Variants in KMT2C observed in about 807,000 individuals in gnomAD.
KMT2C encodes histone-lysine N-methyltransferase 2C.
Under a neutral mutation model 507.9 loss-of-function variants are expected in KMT2C, and 88 were observed. The ratio of observed to expected loss-of-function variants is 0.17; its 90% CI spans 0.15 to 0.21. The LOEUF (loss-of-function observed/expected upper bound fraction) is 0.21. Among genes scored for constraint, KMT2C ranks in the 10% least tolerant of loss-of-function variants. KMT2C has a pLI of 1.00. For synonymous variants in KMT2C, 2,049 were observed against 2,080.8 expected, an observed-to-expected ratio of 0.98 and a Z score of 0.42; for missense variants, 4,954 against 5,957.8, an observed-to-expected ratio of 0.83 and a Z score of 5.55.
Position 152,144,687 on chromosome 7 carries a change from T to A in KMT2C, c.14343+26A>T. 1 of 1,603,280 alleles carries A rather than the reference T, an allele frequency of 6.2e-7. No individual in the cohort carries two copies. The stretch of plus-strand genomic sequence containing the variant: ...GCTAGACTCCACCCTGTCTCTCCAC[T>A]TCCTGTACACAAAGTATTTCTTCAC... On this transcript the variant is annotated intron_variant, in intron 55 of 58. Coordinates refer to ENST00000262189, the MANE Select transcript of KMT2C (RefSeq NM_170606.3). The surrounding 1 kb of genome is among the most constrained non-coding windows in gnomAD (Gnocchi z 4.4).
chr7:152,219,672 C>T (rs1274598506), intron 23 of KMT2C, among the ~76,000 whole-genome samples: 10 of 151,902 alleles, frequency 6.6e-5, no homozygotes, highest in South Asian at 4.2e-4. Flanking sequence ...AAATAACCGC[C>T]CCAAAAATGA....
intron 14 of KMT2C, among the ~76,000 whole-genome samples, chr7:152,240,592 C>T (rs2095364890): frequency 1.3e-5 from 2 of 152,286 alleles, no homozygotes; most frequent in Admixed American, 1.3e-4. Context: ...TTTCCATTTT[C>T]TCACACAAAA....
At chr7:152,417,608 T>A (rs2097752771) in intron 1 of KMT2C, among the ~76,000 whole-genome samples, 1 of 152,170 alleles carries the variant, frequency 6.6e-6, no homozygotes, top group African/African-American at 2.4e-5. Flanking sequence ...GCCTATATGC[T>A]TCTGAATATC....
At position 152,431,584 on chromosome 7, in the gene KMT2C, C is replaced by A. The variant is rs71541759; in HGVS notation, c.161+4042G>T. Among the ~76,000 whole-genome samples, 1,041 of 144,236 alleles carry A rather than the reference C, an allele frequency of 7.2e-3. 5 individuals carry two copies. The highest frequency in any genetic ancestry group is 0.011 in the Non-Finnish European group (749 of 66,770). 94.6% of individuals were successfully genotyped at this position (144,236 alleles called of 152,430 possible). A position where few individuals can be genotyped will look rare whatever the true frequency, so the allele number is the denominator to read the frequency against. On this transcript the variant is annotated intron_variant, in intron 1 of 58. Transcript: ENST00000262189. ...TCGCACCACTGCACTCCAGCCTGGG[C>A]GGCAGAGCAAGACTCTGTCAAAAAA... is the stretch of plus-strand genomic sequence containing the variant.
Position 152,147,979 on chromosome 7 carries a change from TAG to T in KMT2C, c.13894+52_13894+53del, listed in dbSNP as rs1174473569. The T allele has an allele frequency of 1.1e-5, 17 of 1,481,420 alleles. No homozygotes were observed. The African/African-American group carries it at 2.4e-4, about 21-fold the overall frequency. 91.8% of individuals were successfully genotyped at this position (1,481,420 alleles called of 1,614,324 possible). On this transcript the variant is annotated intron_variant, in intron 52 of 58. Transcript: ENST00000262189. ...TGGAAAATTGACAAAATACATTCAT[TAG>T]CCTGACATCAGAGTAAGTAGCACTG...
At chr7:152,228,638 C>T (rs535985834) in intron 18 of KMT2C, among the ~76,000 whole-genome samples, 25 of 152,164 alleles carry the variant, frequency 1.6e-4, no homozygotes, top group Admixed American at 5.9e-4. Context: ...AATGGGAATT[C>T]GGTAATTGTT....
intron 6 of KMT2C, among the ~76,000 whole-genome samples, chr7:152,290,341 C>T (rs1281944922): frequency 2.7e-5 from 3 of 111,360 alleles, no homozygotes; most frequent in Non-Finnish European, 3.4e-5. Flanking sequence ...GATGGAGTCT[C>T]ACTCTGTCAC....
At chr7:152,375,565 T>C (rs1387765753) in intron 1 of KMT2C, among the ~76,000 whole-genome samples, 1 of 150,590 alleles carries the variant, frequency 6.6e-6, no homozygotes, top group Non-Finnish European at 1.5e-5. Context: ...TTTGTATTTT[T>C]AGTAGAGACA....
chr7:152,309,313 A>ATTTT (rs1169487768), intron 6 of KMT2C, among the ~76,000 whole-genome samples: 8 of 129,642 alleles, frequency 6.2e-5, no homozygotes, highest in African/African-American at 1.2e-4. Context: ...ACACAAATTA[A>ATTTT]TTTTTTTTTT....
intron 1 of KMT2C, among the ~76,000 whole-genome samples, chr7:152,427,121 T>C (rs1012933166): frequency 6.6e-6 from 1 of 151,946 alleles, no homozygotes; most frequent in Non-Finnish European, 1.5e-5. Context: ...GTTCAAGCAA[T>C]TCTCCTGCCT....
chr7:152,308,327 C>T (rs908509897), intron 6 of KMT2C, among the ~76,000 whole-genome samples: 5 of 152,076 alleles, frequency 3.3e-5, no homozygotes, highest in South Asian at 2.1e-4. Flanking sequence ...GTCAAAATTT[C>T]CAGTTTTAAT....
intron 1 of KMT2C, among the ~76,000 whole-genome samples, chr7:152,402,439 C>T (rs2097579918): frequency 2.6e-5 from 4 of 151,420 alleles, no homozygotes; most frequent in African/African-American, 9.8e-5. Flanking sequence ...AGACTTCATC[C>T]AAAGACCTGA....
Position 152,248,244 on chromosome 7 carries a change from A to G in KMT2C, c.2190T>C (p.Ser730=), listed in dbSNP as rs2129164136. 1 of 1,613,966 alleles carries G rather than the reference A, an allele frequency of 6.2e-7. No homozygotes were observed. The highest frequency in any genetic ancestry group is 8.5e-7 in the Non-Finnish European group (1 of 1,179,834). The change falls in exon 14 of 59, where the codon TCT becomes TCC. Residue 730 remains serine (S), a synonymous_variant. Transcript: ENST00000262189. ...LQGEKEQKEN[S]ELSTGLMDSE... is the part of the protein sequence containing the mutation. ...AGTCCATCAATCCAGTAGAAAGTTC[A>G]GAATTTTCTTTCTGTTCCTTTTCTC... is the stretch of plus-strand genomic sequence containing the variant.
chr7:152,260,143 C>T (rs2095743922), intron 9 of KMT2C, among the ~76,000 whole-genome samples: 1 of 152,214 alleles, frequency 6.6e-6, no homozygotes, highest in Non-Finnish European at 1.5e-5. Flanking sequence ...AATTTAGTAA[C>T]TGAAAAAACT....
chr7:152,158,853 T>C lies in KMT2C; in HGVS notation c.11670+10A>G. On this transcript the variant is annotated intron_variant, in intron 44 of 58. Transcript: ENST00000262189. ...TTTAAAAGAGGCTGCTCTAAATGAC[T>C]CACCCTCACCTGTTTCAAGTGGGTA... The C allele has an allele frequency of 6.2e-7, 1 of 1,612,458 alleles. No homozygotes were observed. The highest frequency in any genetic ancestry group is 8.5e-7 in the Non-Finnish European group (1 of 1,178,438).
chr7:152,410,847 T>TA (rs1406185730), intron 1 of KMT2C, among the ~76,000 whole-genome samples: 1 of 150,502 alleles, frequency 6.6e-6, no homozygotes, highest in Non-Finnish European at 1.5e-5. Context: ...AAATAAAAGA[T>TA]AAAAAAATTA....
chr7:152,178,108 A>G (rs539085018), intron 37 of KMT2C, 98 bp from the exon 38 acceptor site: 52 of 1,232,082 alleles, frequency 4.2e-5, no homozygotes, highest in Middle Eastern at 3.0e-4. Flanking sequence ...ATTAAACTGT[A>G]CATACAAAAT....
chr7:152,379,473 GGTT>G (rs533718783), intron 1 of KMT2C, among the ~76,000 whole-genome samples: 68 of 152,056 alleles, frequency 4.5e-4, no homozygotes, highest in African/African-American at 1.6e-3. Flanking sequence ...AGAAGGTGGA[GGTT>G]GCAGTGAGCC....
rs778074343 is a variant in KMT2C at position 152,176,629 on chromosome 7, T to TTGG, written c.8821_8823dup (p.Pro2941dup). On this transcript the variant is annotated inframe_insertion, in exon 38 of 59. Transcript: ENST00000262189. ...TGATTGGATGGGGAGGCCGGCAGAGTTGGTGGTGGTGGAGACCCCGATGGC... is the reference window on the plus strand; with the variant it reads ...TGATTGGATGGGGAGGCCGGCAGAGTTGGTGGTGGTGGTGGAGACCCCGATGGC... 6.2e-7 allele frequency: 1 copy of TTGG among 1,613,696 alleles called. No homozygotes were observed. The highest frequency in any genetic ancestry group is 2.2e-5 in the East Asian group (1 of 44,864).
Sources: gnomAD v4.1 joint callset for allele counts (sites outside exome capture counted in the v4.1 genomes callset) on GRCh38, gnomAD v4.1.1 for gene constraint, Gnocchi (gnomAD v3.1) non-coding constraint, MANE v1.5 for transcripts, NCBI Gene and HGNC (gene_info 2026-07-23, HGNC 2026-07-21) for gene names.